Variants in ST18 observed in about 807,000 individuals in gnomAD.
The protein encoded by ST18 is suppression of tumorigenicity 18 protein.
In ST18, 50 loss-of-function variants were observed where a neutral mutation model predicts 110.0. The observed-to-expected ratio is 0.45, with a 90% CI of 0.36 to 0.58. ST18 has a LOEUF of 0.58. ST18 is among the 20% of genes least tolerant of loss of function. The pLI is 0.00. For synonymous variants in ST18, 461 were observed against 452.4 expected (o/e 1.02, Z -0.24); for missense variants, 1,306 against 1,280.1 (o/e 1.02, Z -0.31).
At chr8:52,227,218 A>C (rs2089785452) in intron 3 of ST18, among the ~76,000 whole-genome samples, 1 of 152,178 alleles carries the variant, frequency 6.6e-6, no homozygotes, top group African/African-American at 2.4e-5. Flanking sequence ...TCTCCTAAGA[A>C]TGTACCCATT....
At chr8:52,149,276 A>C (rs1474578722) in intron 16 of ST18, among the ~76,000 whole-genome samples, 1 of 152,260 alleles carries the variant, frequency 6.6e-6, no homozygotes, top group Non-Finnish European at 1.5e-5. Flanking sequence ...GAGTCTATAC[A>C]TAGGTATGCT....
intron 2 of ST18, among the ~76,000 whole-genome samples, chr8:52,343,478 A>G (rs546990992): frequency 6.6e-6 from 1 of 152,302 alleles, no homozygotes; most frequent in South Asian, 2.1e-4. Context: ...CTCCCCTAAG[A>G]ACAAACGGTG....
At chr8:52,261,828 A>G (rs1291990859) in intron 2 of ST18, among the ~76,000 whole-genome samples, 1 of 152,134 alleles carries the variant, frequency 6.6e-6, no homozygotes. Context: ...AATGTGTCTC[A>G]TTCCAGGTCA....
chr8:52,390,088 A>G (rs928852500), intron 2 of ST18, among the ~76,000 whole-genome samples: 5 of 152,012 alleles, frequency 3.3e-5, no homozygotes, highest in Admixed American at 1.3e-4. Context: ...GAAAGAGGAA[A>G]CCAATGGCTC....
At chr8:52,357,676 AATATATATATATATATATATAT>A (rs71252934) in intron 2 of ST18, among the ~76,000 whole-genome samples, 5,524 of 38,578 alleles carry the variant, frequency 0.14, 405 homozygotes, top group South Asian at 0.23. Flanking sequence ...AAAATCTATA[AATATATATATATATATATATAT>A]ATATATATAT....
chr8:52,208,484 G>T (rs62501022), intron 8 of ST18, among the ~76,000 whole-genome samples: 23,860 of 152,286 alleles, frequency 0.16, 1,965 homozygotes, highest in Middle Eastern at 0.25. Context: ...CCAAGATTTA[G>T]ATAGAATAAT....
At chr8:52,358,942 C>T (rs907880155) in intron 2 of ST18, among the ~76,000 whole-genome samples, 2 of 151,696 alleles carry the variant, frequency 1.3e-5, no homozygotes, top group Non-Finnish European at 2.9e-5. Context: ...GATCAATATC[C>T]CTTATGAATA....
At chr8:52,240,551 C>G (rs1435360583) in intron 2 of ST18, among the ~76,000 whole-genome samples, 1 of 152,112 alleles carries the variant, frequency 6.6e-6, no homozygotes, top group African/African-American at 2.4e-5. Context: ...CATTTGTTTC[C>G]TATTTCATCT....
At chr8:52,139,519 C>T (rs1273347970) in intron 17 of ST18, among the ~76,000 whole-genome samples, 3 of 151,788 alleles carry the variant, frequency 2.0e-5, no homozygotes, top group Admixed American at 1.3e-4. Context: ...CCATGCCCGA[C>T]TAATTTTTGT....
chr8:52,130,128 A>G (rs1007861980), intron 22 of ST18, among the ~76,000 whole-genome samples: 2 of 132,418 alleles, frequency 1.5e-5, no homozygotes, highest in Non-Finnish European at 3.3e-5. Context: ...GAAAAGAAAG[A>G]AAGAAAGAAA....
intron 19 of ST18, among the ~76,000 whole-genome samples, chr8:52,134,928 C>A (rs2051364918): frequency 6.6e-6 from 1 of 151,972 alleles, no homozygotes; most frequent in Non-Finnish European, 1.5e-5. Context: ...AAAAACATAT[C>A]TATGGAAAAA....
At chr8:52,371,301 T>C (rs1300715998) in intron 2 of ST18, among the ~76,000 whole-genome samples, 2 of 152,234 alleles carry the variant, frequency 1.3e-5, no homozygotes, top group Admixed American at 6.5e-5. Context: ...ATCAAAGTTC[T>C]GAAAGCAGCT....
intron 2 of ST18, among the ~76,000 whole-genome samples, chr8:52,349,025 C>T (rs1224468412): frequency 6.6e-6 from 1 of 152,136 alleles, no homozygotes; most frequent in Non-Finnish European, 1.5e-5. Flanking sequence ...CCCAACCATT[C>T]TCTAGTCACC....
chr8:52,360,127 T>C (rs1825046907), intron 2 of ST18, among the ~76,000 whole-genome samples: 1 of 152,164 alleles, frequency 6.6e-6, no homozygotes, highest in Non-Finnish European at 1.5e-5. Flanking sequence ...AGACACTAGA[T>C]AACTTGCTAC....
chr8:52,133,206 A>T, intron 20 of ST18, 33 bp downstream of exon 20: 1 of 1,614,060 alleles, frequency 6.2e-7, no homozygotes, highest in Non-Finnish European at 8.5e-7. Flanking sequence ...CGACAAGCTC[A>T]TTTCCACATC....
At position 52,322,405 on chromosome 8, in the gene ST18, A is replaced by C. The variant is rs188081654; in HGVS notation, c.-465+86923T>G. 5.9e-5 allele frequency among the ~76,000 whole-genome samples: 9 copies of C among 152,330 alleles called. No individual in the cohort carries two copies. The East Asian group carries it at 1.2e-3, about 20-fold the overall frequency. On this transcript the variant is annotated intron_variant, in intron 2 of 25. Coordinates refer to ENST00000689386, the MANE Select transcript of ST18 (RefSeq NM_001352837.2). Reference sequence around the variant, plus strand: ...TGAATACTATTACTGGCTGTTGTTTATCATATGTACAGTGAATAAAAATAA... The same window carrying C: ...TGAATACTATTACTGGCTGTTGTTTCTCATATGTACAGTGAATAAAAATAA...
rs2303460 is a variant in ST18, at chr8:52,161,426, G to A, written c.1543C>T (p.Arg515Cys). 4.6e-4 allele frequency: 747 copies of A among 1,614,152 alleles called. 6 individuals carry two copies. The East Asian group carries it at 5.6e-3, about 12-fold the overall frequency. ...ASFDAQVFGKRPLIQTVQGRK... is the reference protein window; with the variant it reads ...ASFDAQVFGKCPLIQTVQGRK... ...CCTTGCACTGTTTGTATGAGAGGGC[G>A]TTTACCGAAAACTTGGGCATCAAAA... The change falls in exon 14 of 26, where the codon CGC (arginine) becomes TGC (cysteine). Residue 515 changes from arginine (R) to cysteine (C), a missense_variant. Physicochemically the swap from Arg to Cys is radical, Grantham distance 180 (BLOSUM62 -3). Transcript: ENST00000689386.
chr8:52,248,945 C>T (rs2094072591), intron 2 of ST18, among the ~76,000 whole-genome samples: 1 of 152,066 alleles, frequency 6.6e-6, no homozygotes, highest in African/African-American at 2.4e-5. Context: ...CAAGAATGAA[C>T]TTCACTGCTC....
rs543445210 is a variant in ST18 at position 52,351,782 on chromosome 8, A to T, written c.-465+57546T>A. Among the ~76,000 whole-genome samples, 57 of 152,332 alleles carry T rather than the reference A, an allele frequency of 3.7e-4. 2 individuals are homozygous for T. In the South Asian group the frequency reaches 0.011, roughly 29 times the overall value. ...AACTCCATCGATCTAGCTTTGATTT[A>T]TTTTGAGGACAAATGGCATGACCTT... On this transcript the variant is annotated intron_variant, in intron 2 of 25. Transcript: ENST00000689386.
Sources: gnomAD v4.1 joint callset for allele counts (sites outside exome capture counted in the v4.1 genomes callset) on GRCh38, gnomAD v4.1.1 for gene constraint, MANE v1.5 for transcripts, NCBI Gene and HGNC (gene_info 2026-07-23, HGNC 2026-07-21) for gene names.